Variants in SLC34A3 observed in about 807,000 individuals in gnomAD.
SLC34A3 encodes the protein solute carrier family 34 member 3.
In SLC34A3, 60 loss-of-function variants were observed where a neutral mutation model predicts 43.9. The ratio of observed to expected loss-of-function variants is 1.37; its 90% confidence interval spans 1.11 to 1.70. The LOEUF is 1.70. SLC34A3 is among the 40% of genes most tolerant of loss of function. The pLI is 0.00. For missense variants in SLC34A3, 969 were observed against 823.8 expected (o/e 1.18, Z -2.16); for synonymous variants, 451 against 386.2 (o/e 1.17, Z -1.97).
chr9:137,232,861 G>T lies in SLC34A3; in HGVS notation c.382G>T (p.Val128Phe). 6.2e-7 allele frequency: 1 copy of T among 1,612,568 alleles called. No individual in the cohort carries two copies. Among genetic ancestry groups the T allele is most frequent in the Non-Finnish European group, 8.5e-7 (1 of 1,179,764 alleles). Residue 128 changes from valine (V) to phenylalanine (F), a missense_variant, in exon 5 of 13, where the codon GTC (valine) becomes TTC (phenylalanine). Transcript: ENST00000673835. ...PVAGLVIGVL[V>F]TALVQSSSTS... is the part of the protein sequence containing the mutation. ...GGCTGGACTGGTCATTGGCGTGCTGGTCACAGCCCTGGTGCAGAGTTCCAG... is the reference window on the plus strand; with the variant it reads ...GGCTGGACTGGTCATTGGCGTGCTGTTCACAGCCCTGGTGCAGAGTTCCAG...
Position 137,233,563 on chromosome 9 carries a change from C to T in SLC34A3, c.757-70C>T, listed in dbSNP as rs143232467. 4.0e-5 allele frequency: 63 copies of T among 1,568,216 alleles called. No individual in the cohort carries two copies. In the East Asian group the frequency reaches 9.4e-4, roughly 23 times the overall value. On this transcript the variant is annotated intron_variant, in intron 7 of 12. Coordinates refer to ENST00000673835, the MANE Select transcript of SLC34A3 (RefSeq NM_001177316.2). ...GTGGGCAGGGCTGGGCTGGACCCCG[C>T]GGGCGCCAGAGCCCCGGGTGAGTCC...
chr9:137,233,415 C>T lies in SLC34A3; in HGVS notation c.756+11C>T, dbSNP rs993925807. On this transcript the variant is annotated intron_variant, in intron 7 of 12. Coordinates refer to ENST00000673835, the MANE Select transcript of SLC34A3 (RefSeq NM_001177316.2). Reference sequence around the variant, plus strand: ...CACCTCATCGTGCAGGTGAGGACGGCCACCGCCCCCGCCCAGAGAGCCTGA... The same window carrying T: ...CACCTCATCGTGCAGGTGAGGACGGTCACCGCCCCCGCCCAGAGAGCCTGA... 6.3e-7 allele frequency: 1 copy of T among 1,592,250 alleles called. No individual in the cohort carries two copies. The highest frequency in any genetic ancestry group is 8.5e-7 in the Non-Finnish European group (1 of 1,172,612).
In SLC34A3 at chr9:137,236,266, C is replaced by T. The variant is rs199956515; in HGVS notation, c.1650C>T (p.Ala550=). The change falls in exon 13 of 13, where the codon GCC becomes GCT. Residue 550 remains alanine (A), a synonymous_variant. Coordinates refer to ENST00000673835, the MANE Select transcript of SLC34A3 (RefSeq NM_001177316.2). Reference sequence around the variant, plus strand: ...TGCCTGTCCGCCTGCGCTCCTGGGCCTGGCTCCCCGTCTGGCTCCATTCTC... The same window carrying T: ...TGCCTGTCCGCCTGCGCTCCTGGGCTTGGCTCCCCGTCTGGCTCCATTCTC... ...AWLPVRLRSW[A]WLPVWLHSLE... 2 of 1,544,048 alleles carry T rather than the reference C, an allele frequency of 1.3e-6. No individual in the cohort carries two copies. The highest frequency in any genetic ancestry group is 2.4e-5 in the East Asian group (1 of 40,846).
At chr9:137,235,895 G>A in intron 12 of SLC34A3, 57 bp from the exon 13 acceptor site, 1 of 1,548,964 alleles carries the variant, frequency 6.5e-7, no homozygotes, top group Non-Finnish European at 8.9e-7. Flanking sequence ...GGGGTCCGGG[G>A]CCCCTGGTGA....
At chr9:137,231,524 T>C in intron 1 of SLC34A3, 140 bp from the exon 2 acceptor site, 2 of 653,774 alleles carry the variant, frequency 3.1e-6, no homozygotes, top group Non-Finnish European at 5.6e-6. Context: ...AGGGGGATGG[T>C]CACTGAGGCC....
intron 2 of SLC34A3, 93 bp from the exon 3 acceptor site, chr9:137,231,979 T>C: frequency 1.5e-6 from 2 of 1,308,594 alleles, no homozygotes; most frequent in Non-Finnish European, 1.1e-6. Flanking sequence ...CCAGGCCTCT[T>C]ACGCCTCAGC....
intron 12 of SLC34A3, among the ~76,000 whole-genome samples, chr9:137,235,218 C>G (rs1341745201): frequency 6.6e-6 from 1 of 152,246 alleles, no homozygotes; most frequent in East Asian, 1.9e-4. Flanking sequence ...GGACACTTCC[C>G]CCAGTCTGAG....
At position 137,232,923 on chromosome 9, in the gene SLC34A3, T is replaced by TAAGC; in HGVS notation, c.445_448dup (p.Leu150GlnfsTer36). ...CCATCGTGGTCAGCATGGTGGCTGC[T>TAAGC]AAGCGTGGGTGCACACTCCCTCCCC... On this transcript the variant is annotated frameshift_variant, in exon 5 of 13. Coordinates refer to ENST00000673835, the MANE Select transcript of SLC34A3 (RefSeq NM_001177316.2). LOFTEE classifies it high-confidence loss of function. The TAAGC allele has an allele frequency of 1.2e-6, 2 of 1,603,990 alleles. No individual in the cohort carries two copies. The highest frequency in any genetic ancestry group is 8.5e-7 in the Non-Finnish European group (1 of 1,175,630).
chr9:137,233,172 C>T (rs766131813), intron 6 of SLC34A3, 37 bp from the exon 7 acceptor site: 2 of 1,556,362 alleles, frequency 1.3e-6, no homozygotes, highest in African/African-American at 1.4e-5. Flanking sequence ...CAGCCCGGGC[C>T]CCCCCACCTG....
chr9:137,231,337 T>C (rs1042914388), intron 1 of SLC34A3, among the ~76,000 whole-genome samples: 1 of 152,180 alleles, frequency 6.6e-6, no homozygotes, highest in Non-Finnish European at 1.5e-5. Flanking sequence ...TGACACCAGA[T>C]AGGGGAGGTC....
Position 137,233,915 on chromosome 9 carries a change from G to A in SLC34A3, c.899G>A (p.Ser300Asn). Reference sequence around the variant, plus strand: ...TTCGGCCCGTGCACAGAGAAGAACAGCACAGCCCCGGCGGACAGGCTGCCC... The same window carrying A: ...TTCGGCCCGTGCACAGAGAAGAACAACACAGCCCCGGCGGACAGGCTGCCC... ...GAFGPCTEKN[S>N]TAPADRLPCR... Residue 300 changes from serine (S) to asparagine (N), a missense_variant, in exon 9 of 13, where the codon AGC (serine) becomes AAC (asparagine). Transcript: ENST00000673835. The A allele has an allele frequency of 6.3e-7, 1 of 1,586,464 alleles. No individual in the cohort carries two copies. The highest frequency in any genetic ancestry group is 8.6e-7 in the Non-Finnish European group (1 of 1,166,780).
chr9:137,233,779 T>TTTGGGGCCCC, intron 8 of SLC34A3, 57 bp downstream of exon 8: 1 of 1,445,808 alleles, frequency 6.9e-7, no homozygotes, highest in Non-Finnish European at 9.6e-7. Flanking sequence ...TGCTGAGTCA[T>TTTGGGGCCCC]CCCGCCCCAC....
chr9:137,231,357 C>T (rs1383206181), intron 1 of SLC34A3, among the ~76,000 whole-genome samples: 1 of 152,198 alleles, frequency 6.6e-6, no homozygotes, highest in Non-Finnish European at 1.5e-5. Context: ...CCCCAGGTTC[C>T]CCAGCTCATG....
rs371056228 is a variant in SLC34A3, at chr9:137,233,224, G to C, written c.576G>C (p.Ser192=). ...RDEFQRAFSG[S]AVHGIFNWLT... ...GCGGCCACAGGGCTTTCAGCGGCTC[G>C]GCGGTGCACGGGATCTTCAACTGGC... is the stretch of plus-strand genomic sequence containing the variant. Residue 192 remains serine, a synonymous_variant, in exon 7 of 13, where the codon TCG becomes TCC. Transcript: ENST00000673835. 14 of 1,574,212 alleles carry C rather than the reference G, an allele frequency of 8.9e-6. No individual in the cohort carries two copies. Among genetic ancestry groups the C allele is most frequent in the South Asian group, 1.2e-5 (1 of 86,894 alleles).
At chr9:137,233,547 G>T in intron 7 of SLC34A3, 86 bp from the exon 8 acceptor site, 2 of 1,557,444 alleles carry the variant, frequency 1.3e-6, no homozygotes, top group Non-Finnish European at 1.8e-6. Flanking sequence ...AGTGGGCAGG[G>T]CTGGGCTGGA....
Position 137,236,348 on chromosome 9 carries a change from C to G in SLC34A3, c.1732C>G (p.Pro578Ala). ...CTGCCCCTGCAACGTCTGCAGCCCC[C>G]CGAAGGCCACCACCAAAGAGGCCTA... ...RCCPCNVCSP[P>A]KATTKEAYCY... Residue 578 changes from proline to alanine, a missense_variant, in exon 13 of 13, where the codon CCG becomes GCG. Coordinates refer to ENST00000673835, the MANE Select transcript of SLC34A3 (RefSeq NM_001177316.2). 6.5e-7 allele frequency: 1 copy of G among 1,541,134 alleles called. No homozygotes were observed. The highest frequency in any genetic ancestry group is 8.7e-7 in the Non-Finnish European group (1 of 1,146,782).
intron 12 of SLC34A3, 111 bp from the exon 13 acceptor site, chr9:137,235,841 T>C: frequency 1.0e-6 from 1 of 971,700 alleles, no homozygotes; most frequent in South Asian, 1.4e-5. Flanking sequence ...TGAAGCAGGA[T>C]GAACTTCAGA....
Position 137,236,366 on chromosome 9 carries a change from G to T in SLC34A3, c.1750G>T (p.Glu584Ter). 6.5e-7 allele frequency: 1 copy of T among 1,540,018 alleles called. No individual in the cohort carries two copies. Among genetic ancestry groups the T allele is most frequent in the Non-Finnish European group, 8.7e-7 (1 of 1,146,790 alleles). The change falls in exon 13 of 13, where the codon GAG becomes TAG. Residue 584 changes from glutamate (E) to a stop codon, truncating the protein, a stop_gained. Coordinates refer to ENST00000673835, the MANE Select transcript of SLC34A3 (RefSeq NM_001177316.2). LOFTEE classifies it high-confidence loss of function. ...CAGCCCCCCGAAGGCCACCACCAAA[G>T]AGGCCTACTGCTACGAGAACCCTGA... ...VCSPPKATTK[E>*]AYCYENPEIL...
chr9:137,233,967 C>A, intron 9 of SLC34A3, 26 bp downstream of exon 9: 1 of 1,510,340 alleles, frequency 6.6e-7, no homozygotes. Flanking sequence ...CCCCAAGCCC[C>A]CTACACCCCC....
Sources: allele counts gnomAD v4.1 joint callset (sites outside exome capture counted in the v4.1 genomes callset), GRCh38; gene constraint gnomAD v4.1.1; transcripts MANE v1.5; gene names NCBI Gene and HGNC (gene_info 2026-07-23, HGNC 2026-07-21).